RHOD: variants seen among roughly 807,000 people sequenced by gnomAD.
RHOD encodes the protein ras homolog family member D.
Under a neutral mutation model 16.7 loss-of-function variants are expected in RHOD, and 11 were observed. The observed-to-expected ratio is 0.66, with a 90% CI of 0.41 to 1.09. The LOEUF (loss-of-function observed/expected upper bound fraction) is 1.09, where lower values mean the gene tolerates loss of function less well. Among genes scored for constraint, RHOD ranks in the 50% least tolerant of loss-of-function variants. The pLI, the probability that RHOD is intolerant of heterozygous loss-of-function variation, is 0.00. For missense variants in RHOD, 271 were observed against 291.7 expected, an observed-to-expected ratio of 0.93 and a Z score of 0.52; for synonymous variants, 124 against 126.3, an observed-to-expected ratio of 0.98 and a Z score of 0.12.
chr11:67,062,864 A>C (rs1854909755), intron 1 of RHOD, among the ~76,000 whole-genome samples: 1 of 152,242 alleles, frequency 6.6e-6, no homozygotes, highest in Non-Finnish European at 1.5e-5. Flanking sequence ...GCGGCCCAGC[A>C]TCCCCTCAGA....
At chr11:67,062,038 T>A (rs1239354646) in intron 1 of RHOD, among the ~76,000 whole-genome samples, 1 of 151,980 alleles carries the variant, frequency 6.6e-6, no homozygotes, top group Admixed American at 6.6e-5. Flanking sequence ...GAAACCGCCT[T>A]CATGATTCAA....
At chr11:67,059,343 C>T (rs1475385267) in intron 1 of RHOD, among the ~76,000 whole-genome samples, 2 of 152,042 alleles carry the variant, frequency 1.3e-5, no homozygotes, top group Non-Finnish European at 2.9e-5. Context: ...AATTCAAGAC[C>T]AGCCTGGCCA....
Position 67,071,517 on chromosome 11 carries a change from T to G in RHOD, c.548T>G (p.Phe183Cys). ...ARLHDNVHAVFQEAAEVALSS... is the reference protein window; with the variant it reads ...ARLHDNVHAVCQEAAEVALSS... ...CTCCATGACAACGTCCACGCCGTCT[T>G]CCAGGAGGCCGCCGAGGTGGCCCTC... Residue 183 changes from phenylalanine (F) to cysteine (C), a missense_variant, in exon 5 of 5, where the codon TTC (phenylalanine) becomes TGC (cysteine). Phe to Cys is a radical substitution (Grantham distance 205). Coordinates refer to ENST00000308831, the MANE Select transcript of RHOD (RefSeq NM_014578.4). 6.2e-7 allele frequency: 1 copy of G among 1,611,942 alleles called. No homozygotes were observed. Among genetic ancestry groups the G allele is most frequent in the South Asian group, 1.1e-5 (1 of 90,980 alleles).
Position 67,071,709 on chromosome 11 carries a change from C to A in RHOD, c.*107C>A. 1 of 1,195,496 alleles carries A rather than the reference C, an allele frequency of 8.4e-7. No homozygotes were observed. Among genetic ancestry groups the A allele is most frequent in the Non-Finnish European group, 1.1e-6 (1 of 880,512 alleles). 74.1% of individuals were successfully genotyped at this position (1,195,496 alleles called of 1,614,324 possible). On this transcript the variant is annotated 3_prime_UTR_variant, in exon 5 of 5. Transcript: ENST00000308831. ...AGGCTGTGACCGCCGAACTCCACTG[C>A]AACAGACGGGCGCCACCAAAGCCAG...
In RHOD at chr11:67,070,594, G is replaced by T. The variant is rs1369908773; in HGVS notation, c.465+35G>T. 6 of 1,612,586 alleles carry T rather than the reference G, an allele frequency of 3.7e-6. No homozygotes were observed. The South Asian group carries it at 5.5e-5, about 15-fold the overall frequency. On this transcript the variant is annotated intron_variant, in intron 4 of 4. Coordinates refer to ENST00000308831, the MANE Select transcript of RHOD (RefSeq NM_014578.4). ...CCAGCCCGAGGTGGGAGTTGGGGAG[G>T]ACTGAGTGAGGGGACCTCTGGATGC...
intron 1 of RHOD, among the ~76,000 whole-genome samples, chr11:67,058,419 G>A (rs554214380): frequency 2.6e-5 from 4 of 152,174 alleles, no homozygotes; most frequent in South Asian, 2.1e-4. Flanking sequence ...CTGGTGATCC[G>A]CCCACCTTGG....
At chr11:67,064,585 C>T (rs538148560) in intron 1 of RHOD, among the ~76,000 whole-genome samples, 1 of 152,200 alleles carries the variant, frequency 6.6e-6, no homozygotes, top group African/African-American at 2.4e-5. Context: ...GCGAGTTCCC[C>T]AGAGCAGGTA....
intron 1 of RHOD, among the ~76,000 whole-genome samples, chr11:67,061,263 G>A (rs574023685): frequency 6.6e-6 from 1 of 152,264 alleles, no homozygotes; most frequent in South Asian, 2.1e-4. Flanking sequence ...TCTTTGGGAG[G>A]CCAAGGTGTG....
rs1235372692 is a variant in RHOD, at chr11:67,070,457, G to A, written c.363G>A (p.Lys121=). The A allele has an allele frequency of 6.2e-7, 1 of 1,614,006 alleles. No homozygotes were observed. The highest frequency in any genetic ancestry group is 1.1e-5 in the South Asian group (1 of 91,078). ...WYPEVNHFCK[K]VPIIVVGCKT... is the part of the protein sequence containing the mutation. ...CAGAAGTGAATCATTTCTGCAAGAA[G>A]GTACCCATCATCGTCGTGGGCTGCA... The change falls in exon 4 of 5, where the codon AAG becomes AAA. Residue 121 remains lysine, a synonymous_variant. Transcript: ENST00000308831.
In RHOD at chr11:67,056,923, G is replaced by A; in HGVS notation, c.21G>A (p.Ala7=). 6.8e-7 allele frequency: 1 copy of A among 1,469,664 alleles called. No homozygotes were observed. The highest frequency in any genetic ancestry group is 8.9e-7 in the Non-Finnish European group (1 of 1,119,280). 91.0% of individuals were successfully genotyped at this position (1,469,664 alleles called of 1,614,324 possible). Residue 7 remains alanine (A), a synonymous_variant, in exon 1 of 5, where the codon GCG becomes GCA. Coordinates refer to ENST00000308831, the MANE Select transcript of RHOD (RefSeq NM_014578.4). ...CCGGGATGACGGCGGCCCAGGCCGC[G>A]GGTGAGGAGGCGCCACCAGGCGTGC... MTAAQA[A]GEEAPPGVRS... is the part of the protein sequence containing the mutation.
At chr11:67,068,697 C>A (rs1249524262) in intron 3 of RHOD, among the ~76,000 whole-genome samples, 2 of 152,076 alleles carry the variant, frequency 1.3e-5, no homozygotes, top group African/African-American at 4.8e-5. Flanking sequence ...AACCCAGCTA[C>A]TTGGGAGGCT....
chr11:67,070,578 G>T lies in RHOD; in HGVS notation c.465+19G>T. On this transcript the variant is annotated intron_variant, in intron 4 of 4. Transcript: ENST00000308831. The stretch of plus-strand genomic sequence containing the variant: ...CCACAGGGTAGGAAACCCAGCCCGA[G>T]GTGGGAGTTGGGGAGGACTGAGTGA... The T allele has an allele frequency of 1.2e-6, 2 of 1,613,610 alleles. No homozygotes were observed. The highest frequency in any genetic ancestry group is 1.7e-6 in the Non-Finnish European group (2 of 1,179,978).
At chr11:67,066,693 G>A (rs749057290) in intron 2 of RHOD, 45 bp from the exon 3 acceptor site, 6 of 1,243,242 alleles carry the variant, frequency 4.8e-6, no homozygotes, top group Non-Finnish European at 7.1e-6. Flanking sequence ...AGTGCTGACA[G>A]GGGCCAGGAG....
At chr11:67,071,308 G>A in intron 4 of RHOD, 127 bp from the exon 5 acceptor site, 2 of 772,872 alleles carry the variant, frequency 2.6e-6, no homozygotes, top group Non-Finnish European at 3.8e-6. Context: ...GCTTGGGCAA[G>A]CAGGGATACG....
At chr11:67,070,179 C>T in intron 3 of RHOD, 2 of 571,592 alleles carry the variant, frequency 3.5e-6, no homozygotes, top group Non-Finnish European at 6.6e-6. Flanking sequence ...TTCTGTGCCT[C>T]AGTTACCGCA....
chr11:67,064,163 T>G (rs1224165572), intron 1 of RHOD, among the ~76,000 whole-genome samples: 1 of 143,140 alleles, frequency 7.0e-6, no homozygotes, highest in Non-Finnish European at 1.5e-5. Context: ...TCCCAGCACT[T>G]TGGGAGGCCG....
intron 3 of RHOD, chr11:67,070,173 G>T: frequency 1.8e-6 from 1 of 558,224 alleles, no homozygotes. Context: ...TCGCCTTTCT[G>T]TGCCTCAGTT....
At chr11:67,071,031 G>A (rs544421776) in intron 4 of RHOD, among the ~76,000 whole-genome samples, 1 of 152,082 alleles carries the variant, frequency 6.6e-6, no homozygotes, top group Middle Eastern at 3.2e-3. Context: ...TCAGGAGTTC[G>A]AGACCAGCCA....
rs1403864340 is a variant in RHOD, at chr11:67,061,772, A to G, written c.133-4124A>G. On this transcript the variant is annotated intron_variant, in intron 1 of 4. Coordinates refer to ENST00000308831, the MANE Select transcript of RHOD (RefSeq NM_014578.4). Reference sequence around the variant, plus strand: ...AAAAAAAAAATATATATATATATATATATGTGTGTGTGTGTGTGTATATAT... The same window carrying G: ...AAAAAAAAAATATATATATATATATGTATGTGTGTGTGTGTGTGTATATAT... 3.6e-3 allele frequency among the ~76,000 whole-genome samples: 521 copies of G among 144,356 alleles called. 4 individuals are homozygous for G. Among genetic ancestry groups the G allele is most frequent in the Non-Finnish European group, 4.0e-3 (267 of 66,346 alleles). The allele number at this position is 144,356 out of a possible 152,430, so 94.7% of individuals were successfully genotyped here.
Sources: allele counts gnomAD v4.1 joint callset (sites outside exome capture counted in the v4.1 genomes callset), GRCh38; gene constraint gnomAD v4.1.1; transcripts MANE v1.5; gene names NCBI Gene and HGNC (gene_info 2026-07-23, HGNC 2026-07-21).